EPB41L1: variants seen among roughly 807,000 people sequenced by gnomAD.
EPB41L1 encodes the protein erythrocyte membrane protein band 4.1 like 1.
Under a neutral mutation model 97.8 loss-of-function variants are expected in EPB41L1, and 29 were observed. The ratio of observed to expected loss-of-function variants is 0.30; its 90% CI spans 0.22 to 0.40. The LOEUF (loss-of-function observed/expected upper bound fraction) is 0.40. Among genes scored for constraint, EPB41L1 ranks in the 10% least tolerant of loss-of-function variants. EPB41L1 has a pLI of 1.00. For missense variants in EPB41L1, 812 were observed against 1,162.3 expected, an observed-to-expected ratio of 0.70 and a Z score of 4.38; for synonymous variants, 383 against 459.2, an observed-to-expected ratio of 0.83 and a Z score of 2.12.
At chr20:36,168,015 T>C (rs2060813063) in intron 1 of EPB41L1, among the ~76,000 whole-genome samples, 1 of 152,162 alleles carries the variant, frequency 6.6e-6, no homozygotes, top group African/African-American at 2.4e-5. Context: ...CACCAGTTGA[T>C]TCATTTTTTA....
intron 21 of EPB41L1, among the ~76,000 whole-genome samples, chr20:36,226,242 T>G (rs1226419812): frequency 6.6e-5 from 10 of 152,236 alleles, no homozygotes; most frequent in Non-Finnish European, 1.5e-4. Context: ...CTGCAGAGTC[T>G]CAAGCCCTGC....
At chr20:36,215,726 T>C (rs774989906) in intron 17 of EPB41L1, among the ~76,000 whole-genome samples, 11 of 152,208 alleles carry the variant, frequency 7.2e-5, no homozygotes, top group Non-Finnish European at 1.6e-4. Flanking sequence ...CATCTATTCA[T>C]TCATTTGTTC....
At chr20:36,128,316 C>T (rs2590991) in intron 2 of EPB41L1, among the ~76,000 whole-genome samples, 55,273 of 152,014 alleles carry the variant, frequency 0.36, 13,755 homozygotes, top group African/African-American at 0.71. Flanking sequence ...AAAGTTCAGA[C>T]TGAGGAGGGG....
Position 36,219,029 on chromosome 20 carries a change from T to C in EPB41L1, c.2355+67T>C. 3 of 1,530,656 alleles carry C rather than the reference T, an allele frequency of 2.0e-6. No homozygotes were observed. The South Asian group carries it at 3.4e-5, about 17-fold the overall frequency. The allele number at this position is 1,530,656 out of a possible 1,614,324, so 94.8% of individuals were successfully genotyped here. On this transcript the variant is annotated intron_variant, in intron 18 of 21. Coordinates refer to ENST00000338074, the MANE Select transcript of EPB41L1 (RefSeq NM_012156.2). Reference sequence around the variant, plus strand: ...GAGAATATGGGCATGGACCCATGTATGGCTGGCAGGAAGTGCAGCGTTGAG... The same window carrying C: ...GAGAATATGGGCATGGACCCATGTACGGCTGGCAGGAAGTGCAGCGTTGAG...
At chr20:36,228,293 TAAG>T (rs1170322698) in intron 21 of EPB41L1, among the ~76,000 whole-genome samples, 5 of 152,182 alleles carry the variant, frequency 3.3e-5, no homozygotes, top group African/African-American at 1.2e-4. Context: ...ATCATCATAA[TAAG>T]AACAGCCAGT....
chr20:36,190,731 C>T lies in EPB41L1; in HGVS notation c.1234C>T (p.Arg412Trp). 1 of 1,614,204 alleles carries T rather than the reference C, an allele frequency of 6.2e-7. No homozygotes were observed. Among genetic ancestry groups the T allele is most frequent in the Non-Finnish European group, 8.5e-7 (1 of 1,180,034 alleles). Residue 412 changes from arginine (R) to tryptophan (W), a missense_variant, in exon 11 of 22, where the codon CGG (arginine) becomes TGG (tryptophan). By Grantham distance (101) the Arg-to-Trp change is moderately radical. Coordinates refer to ENST00000338074, the MANE Select transcript of EPB41L1 (RefSeq NM_012156.2). The surrounding 1 kb of genome is among the most constrained non-coding windows in gnomAD (Gnocchi z 5.8). Reference protein sequence around the residue: ...QTRQASALIDRPAPFFERSSS... With the variant: ...QTRQASALIDWPAPFFERSSS... ...TCGCCAGGCCAGCGCCCTCATTGACCGGCCTGCACCCTTCTTTGAGCGTTC... is the reference window on the plus strand; with the variant it reads ...TCGCCAGGCCAGCGCCCTCATTGACTGGCCTGCACCCTTCTTTGAGCGTTC...
intron 2 of EPB41L1, among the ~76,000 whole-genome samples, chr20:36,146,189 A>G (rs1245672176): frequency 6.6e-6 from 1 of 152,038 alleles, no homozygotes; most frequent in Non-Finnish European, 1.5e-5. Flanking sequence ...CTAAACTGTG[A>G]GCTTTTGGAG....
intron 2 of EPB41L1, among the ~76,000 whole-genome samples, chr20:36,140,177 C>G (rs1018293717): frequency 2.0e-5 from 3 of 151,942 alleles, no homozygotes; most frequent in Non-Finnish European, 4.4e-5. Flanking sequence ...GCCTCAGCCT[C>G]CTGAGTAGCA....
rs2147426270 is a variant in EPB41L1, at chr20:36,092,391, G to A, written c.-65+779G>A. Among the ~76,000 whole-genome samples, 1 of 152,144 alleles carries A rather than the reference G, an allele frequency of 6.6e-6. No individual in the cohort carries two copies. The highest frequency in any genetic ancestry group is 2.1e-4 in the South Asian group (1 of 4,826). ...TCAGGTTGACGCCGGGCCCACGTGG[G>A]GAAGCCGGCGGCGGGTCCCCAGCGC... On this transcript the variant is annotated intron_variant, in intron 1 of 19. Coordinates refer to the EPB41L1 transcript ENST00000202028. This position sits in a 1 kb window ranked among gnomAD's most constrained non-coding sequence, Gnocchi z 7.0.
At chr20:36,219,686 C>T in intron 18 of EPB41L1, 75 bp from the exon 19 acceptor site, 1 of 1,300,142 alleles carries the variant, frequency 7.7e-7, no homozygotes, top group Non-Finnish European at 1.1e-6. Flanking sequence ...GCCCTTTACC[C>T]CACCCCGCCC....
At chr20:36,105,404 G>A (rs2058157689) in intron 1 of EPB41L1, among the ~76,000 whole-genome samples, 1 of 152,188 alleles carries the variant, frequency 6.6e-6, no homozygotes. Context: ...AAGGGGTCAA[G>A]GAGGTACTCA....
chr20:36,128,158 G>T (rs191430984), intron 2 of EPB41L1, among the ~76,000 whole-genome samples: 2 of 152,290 alleles, frequency 1.3e-5, no homozygotes, highest in East Asian at 3.9e-4. Flanking sequence ...GACCTTGGGA[G>T]GGTGGCTCAG....
chr20:36,106,656 C>G (rs1476444564), intron 1 of EPB41L1, among the ~76,000 whole-genome samples: 1 of 152,222 alleles, frequency 6.6e-6, no homozygotes, highest in Non-Finnish European at 1.5e-5. Flanking sequence ...CAGAGGTAAG[C>G]TCACAGAGGT....
chr20:36,121,528 C>G (rs1203504340), intron 2 of EPB41L1: 1 of 152,302 alleles, frequency 6.6e-6, no homozygotes, highest in Admixed American at 6.5e-5. Context: ...TCCCCATCTA[C>G]CAAAAGGGGA....
At chr20:36,111,481 A>G (rs367555658) in intron 1 of EPB41L1, among the ~76,000 whole-genome samples, 1 of 152,274 alleles carries the variant, frequency 6.6e-6, no homozygotes, top group East Asian at 1.9e-4. Flanking sequence ...ACAGGATGTG[A>G]ATGCTAAAAA....
chr20:36,153,350 T>C (rs1444444560), upstream of EPB41L1, among the ~76,000 whole-genome samples: 4 of 151,942 alleles, frequency 2.6e-5, no homozygotes. Context: ...GTGAGGCTGA[T>C]ACTGAGGGAA....
chr20:36,104,035 G>A (rs1166301479), intron 1 of EPB41L1, among the ~76,000 whole-genome samples: 2 of 152,108 alleles, frequency 1.3e-5, no homozygotes, highest in East Asian at 3.9e-4. Flanking sequence ...CATCTACTAC[G>A]TTCTGAGCAT....
intron 17 of EPB41L1, among the ~76,000 whole-genome samples, chr20:36,218,080 C>T (rs2147002953): frequency 6.6e-6 from 1 of 152,218 alleles, no homozygotes; most frequent in South Asian, 2.1e-4. Flanking sequence ...AAGGTAGGGC[C>T]AAGAGAGCTG....
At position 36,195,538 on chromosome 20, in the gene EPB41L1, G is replaced by T. The variant is rs1244369003; in HGVS notation, c.1485+174G>T. ...GTCCTTGCTCCCCACTCCGCCACCCGCTAAGCTTCTCTCTCCAGCTCCCTT... is the reference window on the plus strand; with the variant it reads ...GTCCTTGCTCCCCACTCCGCCACCCTCTAAGCTTCTCTCTCCAGCTCCCTT... On this transcript the variant is annotated intron_variant, in intron 13 of 21. Transcript: ENST00000338074. The surrounding 1 kb of genome is among the most constrained non-coding windows in gnomAD (Gnocchi z 4.6). Among the ~76,000 whole-genome samples, 1 of 151,812 alleles carries T rather than the reference G, an allele frequency of 6.6e-6. No individual in the cohort carries two copies. Among genetic ancestry groups the T allele is most frequent in the Non-Finnish European group, 1.5e-5 (1 of 67,924 alleles).
Sources: gnomAD v4.1 joint callset for allele counts (sites outside exome capture counted in the v4.1 genomes callset) on GRCh38, gnomAD v4.1.1 for gene constraint, Gnocchi (gnomAD v3.1) non-coding constraint, MANE v1.5 for transcripts, NCBI Gene and HGNC (gene_info 2026-07-23, HGNC 2026-07-21) for gene names.